The following PATJ variants were observed in gnomAD, a reference collection of about 807,000 sequenced individuals.
The protein encoded by PATJ is inaD-like protein.
A neutral mutation model predicts 224.9 loss-of-function variants in PATJ; 190 were observed. The observed-to-expected ratio is 0.84, with a 90% CI of 0.75 to 0.95. PATJ has a LOEUF of 0.95. Ranked by LOEUF, PATJ falls within the 40% of genes least tolerant of loss-of-function variation. The pLI is 0.00. For synonymous variants in PATJ, 769 were observed against 820.3 expected (o/e 0.94, Z 1.07); for missense variants, 2,121 against 2,270.3 (o/e 0.93, Z 1.34).
intron 31 of PATJ, among the ~76,000 whole-genome samples, chr1:62,055,213 A>G (rs906864185): frequency 6.6e-6 from 1 of 152,190 alleles, no homozygotes; most frequent in Admixed American, 6.5e-5. Flanking sequence ...TAAGATCAAA[A>G]AACTGGAAAT....
chr1:62,148,228 T>A, intron 41 of PATJ, 56 bp from the exon 42 acceptor site: 1 of 1,181,426 alleles, frequency 8.5e-7, no homozygotes. Flanking sequence ...ACAGCATGGT[T>A]TCTCTAATTC....
At chr1:62,007,859 C>G (rs1159847185) in intron 28 of PATJ, among the ~76,000 whole-genome samples, 2 of 152,170 alleles carry the variant, frequency 1.3e-5, no homozygotes, top group Non-Finnish European at 2.9e-5. Flanking sequence ...TGTTACTTCC[C>G]AAAGGCCCCA....
Position 62,104,789 on chromosome 1 carries a change from A to G in PATJ, c.4378-3648A>G, listed in dbSNP as rs573431169. Among the ~76,000 whole-genome samples the G allele has an allele frequency of 2.4e-4, 37 of 152,182 alleles. No homozygotes were observed. The South Asian group carries it at 7.3e-3, about 30-fold the overall frequency. ...CGGGTTCAAGTGATTCTCCTGTCTC[A>G]GCCTTCCGAGTAGCTGGGATTACAG... On this transcript the variant is annotated intron_variant, in intron 33 of 43. Transcript: ENST00000642238.
chr1:62,017,858 A>C lies in PATJ; in HGVS notation c.3870A>C (p.Ile1290=), dbSNP rs755243666. The change falls in exon 29 of 44, where the codon ATA becomes ATC. Residue 1290 remains isoleucine (I), a splice_region_variant and synonymous_variant. Transcript: ENST00000642238. The part of the protein sequence containing the change: ...RMRIGDELLE[I]NNQILYGRSH... ...ACATTGTGGTTTTTCCCAAACAGAT[A>C]AACAATCAGATTCTGTATGGAAGAA... 2 of 1,589,074 alleles carry C rather than the reference A, an allele frequency of 1.3e-6. No homozygotes were observed. The highest frequency in any genetic ancestry group is 4.5e-5 in the East Asian group (2 of 44,698).
At chr1:61,905,380 T>C (rs962015908) in intron 24 of PATJ, among the ~76,000 whole-genome samples, 1 of 152,218 alleles carries the variant, frequency 6.6e-6, no homozygotes, top group African/African-American at 2.4e-5. Flanking sequence ...TACCTCCTAA[T>C]ACCTTCACCT....
At chr1:62,001,971 T>G (rs1645801580) in intron 28 of PATJ, among the ~76,000 whole-genome samples, 1 of 152,182 alleles carries the variant, frequency 6.6e-6, no homozygotes, top group Admixed American at 6.5e-5. Flanking sequence ...GGTTTTTCTC[T>G]TTCTTTACCA....
intron 17 of PATJ, among the ~76,000 whole-genome samples, chr1:61,842,766 A>AAAAAAAAAGGAAAAC (rs59816648): frequency 6.7e-6 from 1 of 148,436 alleles, no homozygotes; most frequent in Non-Finnish European, 1.5e-5. Context: ...CAGCTATTAA[A>AAAAAAAAAGGAAAAC]AAAAAAAAGG....
chr1:61,997,128 A>G (rs1004889563), intron 28 of PATJ, among the ~76,000 whole-genome samples: 5 of 152,192 alleles, frequency 3.3e-5, no homozygotes, highest in Admixed American at 2.0e-4. Flanking sequence ...ACTAAATACT[A>G]TTCACTAATA....
At chr1:61,980,515 C>A (rs75464926) in intron 27 of PATJ, among the ~76,000 whole-genome samples, 1 of 149,038 alleles carries the variant, frequency 6.7e-6, no homozygotes, top group African/African-American at 2.5e-5. Context: ...AGTATGGGTT[C>A]TTTGGTGTTT....
At chr1:62,060,544 A>AT (rs1037830541) in intron 31 of PATJ, among the ~76,000 whole-genome samples, 77 of 151,744 alleles carry the variant, frequency 5.1e-4, no homozygotes, top group African/African-American at 1.8e-3. Context: ...ATTTTTTTGT[A>AT]TTTTTTATAG....
intron 34 of PATJ, 21 bp downstream of exon 34, chr1:62,108,541 T>C: frequency 6.8e-7 from 1 of 1,476,346 alleles, no homozygotes; most frequent in Non-Finnish European, 9.4e-7. Flanking sequence ...TTGAATTTTA[T>C]TTTATATCAG....
chr1:61,957,906 A>G (rs931658529), intron 27 of PATJ, among the ~76,000 whole-genome samples: 1 of 152,196 alleles, frequency 6.6e-6, no homozygotes, highest in Non-Finnish European at 1.5e-5. Flanking sequence ...CAAATTCGTT[A>G]TTAGAAAATT....
At chr1:61,859,578 A>G (rs912252242) in intron 18 of PATJ, among the ~76,000 whole-genome samples, 7 of 151,478 alleles carry the variant, frequency 4.6e-5, no homozygotes, top group Non-Finnish European at 5.9e-5. Context: ...TCTCTCTCTC[A>G]TAGTAAAATT....
rs143178544 is a variant in PATJ at position 62,158,520 on chromosome 1, C to T, written c.5503-2388C>T. 7.1e-3 allele frequency among the ~76,000 whole-genome samples: 1,055 copies of T among 148,446 alleles called. 54 individuals are homozygous for T. Among genetic ancestry groups the T allele is most frequent in the Non-Finnish European group, 9.5e-3 (636 of 66,772 alleles). ...GGATCACGAGGTCAGGAGATTGAGA[C>T]CATCCTGGCTAACACGGTAAAAAAC... is the stretch of plus-strand genomic sequence containing the variant. On this transcript the variant is annotated intron_variant, in intron 43 of 43. Transcript: ENST00000642238.
intron 24 of PATJ, among the ~76,000 whole-genome samples, chr1:61,906,199 G>C (rs1414496750): frequency 1.3e-5 from 2 of 152,174 alleles, no homozygotes; most frequent in African/African-American, 2.4e-5. Flanking sequence ...ATGCAGAGGA[G>C]GGCACAGAGC....
intron 7 of PATJ, among the ~76,000 whole-genome samples, chr1:61,786,426 A>G (rs1022354102): frequency 6.6e-6 from 1 of 152,084 alleles, no homozygotes; most frequent in Non-Finnish European, 1.5e-5. Flanking sequence ...ATTTAAATAC[A>G]TAGTCTGGAT....
Position 61,808,467 on chromosome 1 carries a change from A to G in PATJ, c.1627-7A>G, listed in dbSNP as rs1424878943. ...ACAAATACTGGAAATTTTTTTTGTA[A>G]ATTTAGGTTGCTACTTTGGACACAC... is the stretch of plus-strand genomic sequence containing the variant. On this transcript the variant is annotated splice_polypyrimidine_tract_variant and splice_region_variant and intron_variant, in intron 13 of 43. Coordinates refer to ENST00000642238, the MANE Select transcript of PATJ (RefSeq NM_001350145.3). 2 of 1,588,760 alleles carry G rather than the reference A, an allele frequency of 1.3e-6. No homozygotes were observed. Among genetic ancestry groups the G allele is most frequent in the Non-Finnish European group, 1.7e-6 (2 of 1,159,800 alleles).
chr1:61,949,162 C>T (rs148864035), intron 27 of PATJ, among the ~76,000 whole-genome samples: 2,013 of 150,528 alleles, frequency 0.013, 26 homozygotes, highest in Middle Eastern at 0.031. Context: ...TGTATATATA[C>T]GTAACAAACC....
intron 19 of PATJ, among the ~76,000 whole-genome samples, chr1:61,863,589 C>G (rs1664968515): frequency 1.3e-5 from 2 of 152,138 alleles, no homozygotes; most frequent in South Asian, 4.2e-4. Flanking sequence ...AGTTTCTGCA[C>G]ATTTAGTTTC....
Sources: allele counts gnomAD v4.1 joint callset (sites outside exome capture counted in the v4.1 genomes callset), GRCh38; gene constraint gnomAD v4.1.1; transcripts MANE v1.5; gene names NCBI Gene and HGNC (gene_info 2026-07-23, HGNC 2026-07-21).